Variants in HEATR4 observed in about 807,000 individuals in gnomAD.
The protein encoded by HEATR4 is HEAT repeat containing 4, also known as HEAT repeat-containing protein 4.
Under a neutral mutation model 108.8 loss-of-function variants are expected in HEATR4, and 95 were observed. The ratio of observed to expected loss-of-function variants is 0.87; its 90% CI spans 0.74 to 1.04. The LOEUF (loss-of-function observed/expected upper bound fraction) is 1.04, where lower values mean the gene tolerates loss of function less well. Ranked by LOEUF, HEATR4 falls within the 50% of genes least tolerant of loss-of-function variation. The pLI is 0.00. For synonymous variants in HEATR4, 443 were observed against 459.4 expected (o/e 0.96, Z 0.46); for missense variants, 1,152 against 1,253.8 (o/e 0.92, Z 1.23).
intron 17 of HEATR4, among the ~76,000 whole-genome samples, chr14:73,484,319 A>T (rs1885362698): frequency 6.6e-6 from 1 of 151,620 alleles, no homozygotes; most frequent in Non-Finnish European, 1.5e-5. Flanking sequence ...AAAAGGCCAG[A>T]TAGTAGATAT....
intron 9 of HEATR4, 129 bp from the exon 10 acceptor site, chr14:73,506,700 G>A: frequency 1.7e-6 from 1 of 572,060 alleles, no homozygotes; most frequent in South Asian, 2.3e-5. Flanking sequence ...GATGGGGCAT[G>A]TTTCCATCAC....
At chr14:73,583,325 G>T in the HEATR4 span, among the ~76,000 whole-genome samples, 1 of 147,466 alleles carries the variant, frequency 6.8e-6, no homozygotes, top group Admixed American at 6.9e-5. Context: ...CTCCAGCCTA[G>T]GTGACAGAGT....
At chr14:73,499,720 CT>C (rs1371858517) in intron 12 of HEATR4, among the ~76,000 whole-genome samples, 1 of 152,086 alleles carries the variant, frequency 6.6e-6, no homozygotes, top group Admixed American at 6.6e-5. Context: ...AGATTTTTCC[CT>C]AATAATGGAA....
At chr14:73,628,817 C>T in the HEATR4 span, among the ~76,000 whole-genome samples, 3 of 151,886 alleles carry the variant, frequency 2.0e-5, no homozygotes, top group South Asian at 6.2e-4. Flanking sequence ...TTTGGGAAGC[C>T]GAGGCTGGTG....
chr14:73,522,639 G>A lies in HEATR4; in HGVS notation c.514C>T (p.Pro172Ser), dbSNP rs758822571. 2.5e-6 allele frequency: 4 copies of A among 1,614,226 alleles called. No homozygotes were observed. The highest frequency in any genetic ancestry group is 3.4e-6 in the Non-Finnish European group (4 of 1,180,046). The part of the protein sequence containing the change: ...RPLIHHPCMH[P>S]DMLGRPPSLD... ...GAAGGTGGCCGACCCAGCATATCTG[G>A]ATGCATGCAGGGATGATGGATGAGA... The change falls in exon 3 of 18, where the codon CCA becomes TCA. Residue 172 changes from proline to serine, a missense_variant. Transcript: ENST00000553558.
chr14:73,617,088 C>T, the HEATR4 span: 1 of 1,549,698 alleles, frequency 6.5e-7, no homozygotes, highest in South Asian at 1.1e-5. Flanking sequence ...TTTTGCTGTG[C>T]TTGCCCTGGC....
chr14:73,491,259 G>T (rs1321142839), intron 17 of HEATR4: 1 of 1,577,512 alleles, frequency 6.3e-7, no homozygotes, highest in Non-Finnish European at 8.6e-7. Context: ...GCGCTACCCG[G>T]TGGGGCGGCG....
chr14:73,491,266 G>A (rs1046785297), intron 17 of HEATR4: 1 of 1,570,876 alleles, frequency 6.4e-7, no homozygotes, highest in Non-Finnish European at 8.6e-7. Flanking sequence ...CCGGTGGGGC[G>A]GCGGTGGCGG....
chr14:73,498,361 G>T lies in HEATR4; in HGVS notation c.2357-17C>A, dbSNP rs1355757293. On this transcript the variant is annotated splice_polypyrimidine_tract_variant and intron_variant, in intron 13 of 17. Transcript: ENST00000553558. Reference sequence around the variant, plus strand: ...GTCCCAAAGCTGCAGAGATTAGAGGGCAGCATGTCACTGAAGACTGAGCTT... The same window carrying T: ...GTCCCAAAGCTGCAGAGATTAGAGGTCAGCATGTCACTGAAGACTGAGCTT... The T allele has an allele frequency of 5.7e-6, 9 of 1,567,780 alleles. No homozygotes were observed. Among genetic ancestry groups the T allele is most frequent in the Non-Finnish European group, 7.8e-6 (9 of 1,148,792 alleles).
At position 73,555,006 on chromosome 14, in the gene HEATR4, T is replaced by A. The variant is rs539596900; in HGVS notation, c.-152+3745A>T. ...TCAACTTTGGATTATGAAACCCCAT[T>A]TATGATTTTTTAAATAAACTTGAAA... On this transcript the variant is annotated intron_variant, in intron 1 of 17. Transcript: ENST00000553558. 7.9e-5 allele frequency among the ~76,000 whole-genome samples: 9 copies of A among 113,994 alleles called. 2 individuals are homozygous for A. In the South Asian group the frequency reaches 2.5e-3, roughly 31 times the overall value. The allele number at this position is 113,994 out of a possible 152,430, so 74.8% of individuals were successfully genotyped here. A position where few individuals can be genotyped will look rare whatever the true frequency, so the allele number is the denominator to read the frequency against.
the HEATR4 span, among the ~76,000 whole-genome samples, chr14:73,566,606 C>G: frequency 6.6e-6 from 1 of 151,764 alleles, no homozygotes; most frequent in Non-Finnish European, 1.5e-5. Context: ...CCGGGGCTGG[C>G]AGGGCCAGCT....
At chr14:73,617,422 C>G in the HEATR4 span, among the ~76,000 whole-genome samples, 15 of 152,234 alleles carry the variant, frequency 9.9e-5, no homozygotes, top group African/African-American at 3.6e-4. Flanking sequence ...CAAGACCAGC[C>G]TGGGCAACAT....
At chr14:73,524,882 C>A (rs1010685967) in intron 2 of HEATR4, among the ~76,000 whole-genome samples, 1 of 152,096 alleles carries the variant, frequency 6.6e-6, no homozygotes, top group Non-Finnish European at 1.5e-5. Flanking sequence ...CAGACCAGAT[C>A]TGACTTGTTT....
rs1273949099 is a variant in HEATR4, at chr14:73,553,402, G to A, written c.-152+5349C>T. Among the ~76,000 whole-genome samples, 9 of 111,952 alleles carry A rather than the reference G, an allele frequency of 8.0e-5. 3 individuals carry two copies. The highest frequency in any genetic ancestry group is 1.4e-4 in the Non-Finnish European group (7 of 51,122). 73.4% of individuals were successfully genotyped at this position (111,952 alleles called of 152,430 possible). On this transcript the variant is annotated intron_variant, in intron 1 of 17. Transcript: ENST00000553558. The stretch of plus-strand genomic sequence containing the variant: ...AGCACTCGCCTGTAATCCCAGCTAC[G>A]GGGGAGGCTGAGGCAGGAGAATCAC...
the HEATR4 span, chr14:73,571,204 C>G: frequency 6.6e-6 from 1 of 152,346 alleles, no homozygotes; most frequent in Non-Finnish European, 1.5e-5. Context: ...GGAGAGCAGC[C>G]GCGTCCCTAT....
rs1383998919 is a variant in HEATR4, at chr14:73,534,413, C to T, written c.-151-4169G>A. Among the ~76,000 whole-genome samples the T allele has an allele frequency of 4.6e-5, 5 of 109,374 alleles. 1 individual carries two copies. The highest frequency in any genetic ancestry group is 9.0e-5 in the African/African-American group (3 of 33,518). The allele number at this position is 109,374 out of a possible 152,430, so 71.8% of individuals were successfully genotyped here. On this transcript the variant is annotated intron_variant, in intron 1 of 17. Coordinates refer to ENST00000553558, the MANE Select transcript of HEATR4 (RefSeq NM_001220484.1). ...AAAAGAATTAAAAAAAGAAACATGG[C>T]CGAGTGTAGTGGCTCTTGCCTATAA...
intron 17 of HEATR4, chr14:73,491,314 C>G: frequency 6.6e-7 from 1 of 1,516,332 alleles, no homozygotes; most frequent in Non-Finnish European, 8.8e-7. Context: ...CATACGGCCA[C>G]CTGGGGCCCG....
intron 11 of HEATR4, 80 bp downstream of exon 11, chr14:73,502,815 G>T: frequency 9.6e-7 from 1 of 1,041,262 alleles, no homozygotes; most frequent in Non-Finnish European, 1.5e-6. Context: ...CCAAAGTGTT[G>T]GGAGCCACCT....
At chr14:73,610,228 A>C in the HEATR4 span, among the ~76,000 whole-genome samples, 1 of 151,518 alleles carries the variant, frequency 6.6e-6, no homozygotes, top group African/African-American at 2.4e-5. Context: ...CCTGGGCCTA[A>C]TGCAATATAT....
Sources: allele counts gnomAD v4.1 joint callset (sites outside exome capture counted in the v4.1 genomes callset), GRCh38; gene constraint gnomAD v4.1.1; transcripts MANE v1.5; gene names NCBI Gene and HGNC (gene_info 2026-07-23, HGNC 2026-07-21).